Variants in SEMA3A observed in about 807,000 individuals in gnomAD.
SEMA3A encodes semaphorin 3A.
In SEMA3A, 29 loss-of-function variants were observed where a neutral mutation model predicts 97.9. The observed-to-expected ratio is 0.30, with a 90% CI of 0.22 to 0.40. The LOEUF is 0.40. Ranked by LOEUF, SEMA3A falls within the 10% of genes least tolerant of loss-of-function variation. The probability of loss-of-function intolerance (pLI) is 1.00; values close to 1 mark genes in which losing one functional copy is unlikely to be tolerated. For missense variants in SEMA3A, 763 were observed against 951.3 expected, an observed-to-expected ratio of 0.80 and a Z score of 2.60; for synonymous variants, 321 against 323.7, an observed-to-expected ratio of 0.99 and a Z score of 0.09.
intron 1 of SEMA3A, among the ~76,000 whole-genome samples, chr7:84,424,742 GAT>G (rs1804729776): frequency 1.1e-5 from 1 of 92,064 alleles, no homozygotes; most frequent in African/African-American, 4.4e-5. Flanking sequence ...TATATATTTA[GAT>G]ATCAATATAT....
intron 1 of SEMA3A, among the ~76,000 whole-genome samples, chr7:84,440,528 C>CG (rs1439103113): frequency 4.8e-4 from 73 of 152,232 alleles, no homozygotes; most frequent in Non-Finnish European, 1.3e-4. Flanking sequence ...ATGAATCCTC[C>CG]GCCTTTCTTT....
intron 6 of SEMA3A, among the ~76,000 whole-genome samples, chr7:84,038,193 T>C (rs1459608399): frequency 5.3e-5 from 8 of 151,912 alleles, no homozygotes; most frequent in Non-Finnish European, 1.2e-4. Context: ...AGAATTCCTG[T>C]ATGTATAGAT....
chr7:84,417,673 A>G (rs948513494), intron 1 of SEMA3A, among the ~76,000 whole-genome samples: 4 of 152,098 alleles, frequency 2.6e-5, no homozygotes, highest in African/African-American at 9.7e-5. Flanking sequence ...TTTATTATAT[A>G]TTGCTGTTAA....
intron 2 of SEMA3A, among the ~76,000 whole-genome samples, chr7:84,367,014 A>C (rs1802864080): frequency 6.6e-6 from 1 of 151,192 alleles, no homozygotes; most frequent in African/African-American, 2.4e-5. Flanking sequence ...TTTTTGAATA[A>C]ATTGAGGTGC....
intron 6 of SEMA3A, among the ~76,000 whole-genome samples, chr7:84,031,307 T>C (rs761852164): frequency 7.2e-5 from 11 of 152,082 alleles, no homozygotes; most frequent in Admixed American, 1.3e-4. Context: ...AGTATTTTTA[T>C]TGGTGATATT....
At chr7:84,339,038 T>C (rs935401229) in intron 2 of SEMA3A, among the ~76,000 whole-genome samples, 2 of 152,060 alleles carry the variant, frequency 1.3e-5, no homozygotes, top group Non-Finnish European at 2.9e-5. Context: ...TCCAATTTGG[T>C]ATATATATAT....
chr7:84,050,203 G>A (rs1034806947), intron 5 of SEMA3A, among the ~76,000 whole-genome samples: 19 of 152,094 alleles, frequency 1.2e-4, no homozygotes, highest in African/African-American at 4.6e-4. Context: ...ATAGCAGCAT[G>A]ATTTATTGTC....
At chr7:83,997,095 G>A (rs1236155871) in intron 12 of SEMA3A, among the ~76,000 whole-genome samples, 1 of 152,058 alleles carries the variant, frequency 6.6e-6, no homozygotes, top group African/African-American at 2.4e-5. Flanking sequence ...ATTTATATGA[G>A]GTTTGGTTAT....
intron 1 of SEMA3A, among the ~76,000 whole-genome samples, chr7:84,404,340 GA>G (rs1323110262): frequency 2.6e-5 from 4 of 151,716 alleles, no homozygotes; most frequent in Non-Finnish European, 5.9e-5. Flanking sequence ...GAGAAGTTTA[GA>G]AAAAAAAGAA....
chr7:84,045,972 A>AC (rs1392086187), intron 6 of SEMA3A, among the ~76,000 whole-genome samples: 1 of 16,796 alleles, frequency 6.0e-5, no homozygotes, highest in East Asian at 6.0e-3. Context: ...GATGTAAAGG[A>AC]AAAAAAAAAA....
intron 1 of SEMA3A, among the ~76,000 whole-genome samples, chr7:84,466,172 T>C (rs1180175137): frequency 6.6e-6 from 1 of 152,094 alleles, no homozygotes; most frequent in African/African-American, 2.4e-5. Flanking sequence ...TTTGTTTGTT[T>C]GTTTGTTTGT....
chr7:84,127,901 C>G (rs998234905), intron 3 of SEMA3A, among the ~76,000 whole-genome samples: 5 of 151,940 alleles, frequency 3.3e-5, no homozygotes, highest in African/African-American at 1.2e-4. Context: ...ACAGATAAAA[C>G]TTTTAAACAT....
At position 84,011,094 on chromosome 7, in the gene SEMA3A, G is replaced by A. The variant is rs753255721; in HGVS notation, c.926-3C>T. 22 of 1,610,692 alleles carry A rather than the reference G, an allele frequency of 1.4e-5. No individual in the cohort carries two copies. Among genetic ancestry groups the A allele is most frequent in the Non-Finnish European group, 1.8e-5 (21 of 1,177,400 alleles). On this transcript the variant is annotated splice_polypyrimidine_tract_variant and splice_region_variant and intron_variant, in intron 8 of 16. Coordinates refer to ENST00000265362, the MANE Select transcript of SEMA3A (RefSeq NM_006080.3). ...AAAGTTCATTAGGAATACATCCTCT[G>A]TTTAAAAACAAAATTGGAGAAAGTT... is the stretch of plus-strand genomic sequence containing the variant.
chr7:84,055,799 G>T (rs897597213), intron 5 of SEMA3A, among the ~76,000 whole-genome samples: 1 of 152,120 alleles, frequency 6.6e-6, no homozygotes, highest in African/African-American at 2.4e-5. Flanking sequence ...AAGTCTTTTT[G>T]AAAATCTGAA....
Position 84,295,316 on chromosome 7 carries a change from T to C in SEMA3A, c.-83+11891A>G, listed in dbSNP as rs546880246. On this transcript the variant is annotated intron_variant, in intron 3 of 3. Coordinates refer to the SEMA3A transcript ENST00000424555. Reference sequence around the variant, plus strand: ...GACATTAGATTCATTATTTTTTTTTTATATCCTTGCATTAAGCCAACCAGG... The same window carrying C: ...GACATTAGATTCATTATTTTTTTTTCATATCCTTGCATTAAGCCAACCAGG... 2.6e-5 allele frequency among the ~76,000 whole-genome samples: 4 copies of C among 152,156 alleles called. No individual in the cohort carries two copies. In the South Asian group the frequency reaches 6.2e-4, roughly 24 times the overall value.
chr7:84,243,332 T>C (rs565907437), intron 3 of SEMA3A, among the ~76,000 whole-genome samples: 12 of 152,248 alleles, frequency 7.9e-5, no homozygotes, highest in South Asian at 2.1e-4. Context: ...GAACTTGTTA[T>C]TGGTCCATTC....
intron 3 of SEMA3A, among the ~76,000 whole-genome samples, chr7:84,300,743 C>T (rs77972633): frequency 0.018 from 2,683 of 151,786 alleles, 78 homozygotes; most frequent in African/African-American, 0.062. Flanking sequence ...AGGAACATTG[C>T]ATAGTTATTA....
At chr7:84,441,856 G>A (rs192062099) in intron 1 of SEMA3A, among the ~76,000 whole-genome samples, 99 of 152,148 alleles carry the variant, frequency 6.5e-4, no homozygotes, top group African/African-American at 2.2e-3. Context: ...TAAAAGCTTT[G>A]GACACCAGAG....
intron 2 of SEMA3A, among the ~76,000 whole-genome samples, chr7:84,365,869 A>G (rs1247081228): frequency 6.6e-6 from 1 of 151,486 alleles, no homozygotes; most frequent in African/African-American, 2.4e-5. Flanking sequence ...AATAAATAAC[A>G]TGAGTTTAAC....
Sources: allele counts gnomAD v4.1 joint callset (sites outside exome capture counted in the v4.1 genomes callset), GRCh38; gene constraint gnomAD v4.1.1; transcripts MANE v1.5; gene names NCBI Gene and HGNC (gene_info 2026-07-23, HGNC 2026-07-21).